The following ADAM23 variants were observed in gnomAD, a reference collection of about 807,000 sequenced individuals.
The protein encoded by ADAM23 is disintegrin and metalloproteinase domain-containing protein 23.
ADAM23 carries 33 observed loss-of-function variants against 120.1 expected under a neutral mutation model. The ratio of observed to expected loss-of-function variants is 0.27; its 90% confidence interval spans 0.21 to 0.37. ADAM23 has a LOEUF of 0.37. Ranked by LOEUF, ADAM23 falls within the 10% of genes least tolerant of loss-of-function variation. The pLI, the probability that ADAM23 is intolerant of heterozygous loss-of-function variation, is 1.00. For missense variants in ADAM23, 862 were observed against 1,058.2 expected (o/e 0.81, Z 2.57); for synonymous variants, 367 against 375.2 (o/e 0.98, Z 0.25).
At position 206,589,402 on chromosome 2, in the gene ADAM23, C is replaced by T; in HGVS notation, c.1853-7C>T. 6.2e-7 allele frequency: 1 copy of T among 1,611,338 alleles called. No homozygotes were observed. Among genetic ancestry groups the T allele is most frequent in the South Asian group, 1.1e-5 (1 of 90,524 alleles). ...ATTAATTTTCTTCTCTTGCCTATCT[C>T]CAAAAGAGGCTGCAGGGTCTGACAA... On this transcript the variant is annotated splice_polypyrimidine_tract_variant and splice_region_variant and intron_variant, in intron 20 of 25. Transcript: ENST00000264377.
intron 24 of ADAM23, among the ~76,000 whole-genome samples, chr2:206,609,147 A>G (rs887804503): frequency 1.3e-5 from 2 of 152,162 alleles, no homozygotes; most frequent in African/African-American, 4.8e-5. Context: ...TTTCTTTCTT[A>G]CTGTCCTTTG....
At position 206,460,399 on chromosome 2, in the gene ADAM23, T is replaced by C. The variant is rs1482845385; in HGVS notation, c.432+14875T>C. On this transcript the variant is annotated intron_variant, in intron 2 of 25. Transcript: ENST00000264377. ...TACCAGCACTGGTTATTTTCTGTTA[T>C]TTATTTTTTAAAAAATATTAGCCAC... 2.6e-5 allele frequency among the ~76,000 whole-genome samples: 4 copies of C among 152,242 alleles called. No homozygotes were observed. In the East Asian group the frequency reaches 7.7e-4, roughly 29 times the overall value.
intron 2 of ADAM23, among the ~76,000 whole-genome samples, chr2:206,475,711 C>T (rs976389614): frequency 6.6e-6 from 1 of 151,920 alleles, no homozygotes; most frequent in African/African-American, 2.4e-5. Context: ...TTTCCTCCTC[C>T]CATCTTGTTA....
chr2:206,601,249 G>A (rs1698635289), intron 24 of ADAM23, among the ~76,000 whole-genome samples: 1 of 152,224 alleles, frequency 6.6e-6, no homozygotes, highest in South Asian at 2.1e-4. Flanking sequence ...TGTATGGGCA[G>A]ATATTCCTGG....
chr2:206,495,229 A>G (rs1337387324), intron 3 of ADAM23, among the ~76,000 whole-genome samples: 3 of 152,198 alleles, frequency 2.0e-5, no homozygotes, highest in Admixed American at 2.0e-4. Context: ...TGAAGGAAAA[A>G]ATGTTAAGGG....
At chr2:206,565,668 C>G (rs1255529587) in intron 14 of ADAM23, among the ~76,000 whole-genome samples, 2 of 152,142 alleles carry the variant, frequency 1.3e-5, no homozygotes, top group Non-Finnish European at 2.9e-5. Flanking sequence ...TGCCCTCTTT[C>G]ACAGGGACCC....
intron 12 of ADAM23, among the ~76,000 whole-genome samples, chr2:206,561,491 A>C (rs978060899): frequency 7.2e-5 from 11 of 152,144 alleles, no homozygotes; most frequent in Admixed American, 2.0e-4. Flanking sequence ...AGCTTTTATA[A>C]GCTTATTAAT....
chr2:206,543,129 G>A (rs1317062626), intron 5 of ADAM23, 124 bp from the exon 6 acceptor site: 7 of 806,972 alleles, frequency 8.7e-6, no homozygotes, highest in Middle Eastern at 3.6e-4. Context: ...ACTTGTGACA[G>A]TGTAAAGGGA....
chr2:206,511,108 G>A (rs1287933585), intron 3 of ADAM23, among the ~76,000 whole-genome samples: 2 of 151,540 alleles, frequency 1.3e-5, no homozygotes, highest in Non-Finnish European at 1.5e-5. Context: ...CTGTATTTTC[G>A]TTGTTTTTCC....
In ADAM23 at chr2:206,557,414, AT is replaced by A. The variant is rs1559263087; in HGVS notation, c.934-10del. On this transcript the variant is annotated splice_polypyrimidine_tract_variant and intron_variant, in intron 9 of 25. Coordinates refer to ENST00000264377, the MANE Select transcript of ADAM23 (RefSeq NM_003812.4). ...TATGATTTGGCAGTGACTGGTATGT[AT>A]TTCCCCCCTAGTATAAGAAGCATCG... 6.2e-7 allele frequency: 1 copy of A among 1,608,542 alleles called. No individual in the cohort carries two copies. The highest frequency in any genetic ancestry group is 1.1e-5 in the South Asian group (1 of 90,948).
intron 10 of ADAM23, 74 bp downstream of exon 10, chr2:206,557,572 A>G (rs2105819252): frequency 7.4e-7 from 1 of 1,356,558 alleles, no homozygotes; most frequent in East Asian, 2.3e-5. Context: ...CTTGTACTTT[A>G]GGTATTTCTT....
intron 3 of ADAM23, among the ~76,000 whole-genome samples, chr2:206,522,013 T>TC (rs1696853146): frequency 6.6e-6 from 1 of 152,194 alleles, no homozygotes; most frequent in Admixed American, 6.5e-5. Flanking sequence ...GGTGTATGAT[T>TC]GATCACCATG....
chr2:206,586,845 T>C (rs190373508), intron 18 of ADAM23, among the ~76,000 whole-genome samples: 5 of 152,268 alleles, frequency 3.3e-5, no homozygotes, highest in East Asian at 1.9e-4. Flanking sequence ...AATGGAGATA[T>C]AGCACTTACT....
At chr2:206,559,191 G>A (rs752772861) in intron 10 of ADAM23, among the ~76,000 whole-genome samples, 6 of 152,118 alleles carry the variant, frequency 3.9e-5, no homozygotes, top group Admixed American at 3.3e-4. Flanking sequence ...TGAAGCACCC[G>A]CCTCGGCCTT....
At chr2:206,498,273 A>T (rs895280548) in intron 3 of ADAM23, among the ~76,000 whole-genome samples, 4 of 152,240 alleles carry the variant, frequency 2.6e-5, no homozygotes, top group African/African-American at 9.6e-5. Flanking sequence ...ACAGTAACCA[A>T]AACAGCATGT....
intron 21 of ADAM23, among the ~76,000 whole-genome samples, chr2:206,590,207 C>T (rs977355672): frequency 2.0e-5 from 3 of 152,052 alleles, no homozygotes; most frequent in African/African-American, 7.2e-5. Flanking sequence ...AAATGATTCT[C>T]GTGCCTCAAC....
chr2:206,541,580 A>G (rs1697290459), intron 4 of ADAM23, among the ~76,000 whole-genome samples: 1 of 152,210 alleles, frequency 6.6e-6, no homozygotes, highest in Admixed American at 6.5e-5. Context: ...TGTAGTTATT[A>G]TTTGACTTTG....
Position 206,562,279 on chromosome 2 carries a change from C to G in ADAM23, c.1331C>G (p.Ser444Cys). The change falls in exon 13 of 26, where the codon TCT becomes TGT. Residue 444 changes from serine to cysteine, a missense_variant. Ser to Cys is a moderately radical substitution (Grantham distance 112, BLOSUM62 -1). Coordinates refer to ENST00000264377, the MANE Select transcript of ADAM23 (RefSeq NM_003812.4). ...AQNLGIQWEPSSRKPKCDCTE... is the reference protein window; with the variant it reads ...AQNLGIQWEPCSRKPKCDCTE... ...AACCTTGGAATCCAATGGGAACCTTCTAGCAGAAAGCCAAGTATGTACACT... is the reference window on the plus strand; with the variant it reads ...AACCTTGGAATCCAATGGGAACCTTGTAGCAGAAAGCCAAGTATGTACACT... 1 of 1,613,962 alleles carries G rather than the reference C, an allele frequency of 6.2e-7. No individual in the cohort carries two copies. The highest frequency in any genetic ancestry group is 1.1e-5 in the South Asian group (1 of 91,064).
chr2:206,612,013 A>C (rs1411887798), intron 25 of ADAM23, among the ~76,000 whole-genome samples: 1 of 152,180 alleles, frequency 6.6e-6, no homozygotes, highest in Non-Finnish European at 1.5e-5. Context: ...AATCACTTTC[A>C]GGGAGAACTG....
Sources: gnomAD v4.1 joint callset for allele counts (sites outside exome capture counted in the v4.1 genomes callset) on GRCh38, gnomAD v4.1.1 for gene constraint, MANE v1.5 for transcripts, NCBI Gene and HGNC (gene_info 2026-07-23, HGNC 2026-07-21) for gene names.